SHISA9: variants seen among roughly 807,000 people sequenced by gnomAD.
SHISA9 encodes shisa family member 9, also known as protein shisa-9.
In SHISA9, 13 loss-of-function variants were observed where a neutral mutation model predicts 38.0. The ratio of observed to expected loss-of-function variants is 0.34; its 90% CI spans 0.22 to 0.54. The LOEUF is 0.54. SHISA9 is among the 20% of genes least tolerant of loss of function. The probability of loss-of-function intolerance (pLI) is 0.91; values close to 1 mark genes in which losing one functional copy is unlikely to be tolerated. For synonymous variants in SHISA9, 275 were observed against 242.0 expected (o/e 1.14, Z -1.27); for missense variants, 538 against 575.8 (o/e 0.93, Z 0.67).
the SHISA9 span, among the ~76,000 whole-genome samples, chr16:13,553,890 C>T: frequency 6.6e-6 from 1 of 152,214 alleles, no homozygotes; most frequent in Admixed American, 6.5e-5. Flanking sequence ...ACATCAGAAT[C>T]CAAACCAGAT....
intron 2 of SHISA9, among the ~76,000 whole-genome samples, chr16:12,993,265 G>C (rs1286738800): frequency 6.6e-6 from 1 of 152,132 alleles, no homozygotes. Flanking sequence ...GTAAAGAACA[G>C]GGCCATGACA....
At chr16:13,107,105 T>G (rs1470582983) in intron 2 of SHISA9, among the ~76,000 whole-genome samples, 2 of 151,634 alleles carry the variant, frequency 1.3e-5, no homozygotes, top group Non-Finnish European at 2.9e-5. Context: ...ATTCCCCGAG[T>G]GAGGGAATGA....
intron 2 of SHISA9, among the ~76,000 whole-genome samples, chr16:12,972,005 T>G (rs1291861378): frequency 6.6e-6 from 1 of 151,462 alleles, no homozygotes; most frequent in Non-Finnish European, 1.5e-5. Flanking sequence ...GATATGGTTA[T>G]AAGTAAATTA....
chr16:13,480,557 C>G, the SHISA9 span, among the ~76,000 whole-genome samples: 2 of 152,174 alleles, frequency 1.3e-5, no homozygotes, highest in African/African-American at 4.8e-5. Flanking sequence ...ACCCCACTTC[C>G]ATTTTTCCTC....
intron 2 of SHISA9, among the ~76,000 whole-genome samples, chr16:13,072,117 A>C (rs1304261490): frequency 6.6e-6 from 1 of 152,212 alleles, no homozygotes; most frequent in Non-Finnish European, 1.5e-5. Flanking sequence ...GGAAGGCTTC[A>C]GTGCCCATCA....
chr16:13,160,719 C>T (rs910254307), intron 2 of SHISA9, among the ~76,000 whole-genome samples: 1 of 152,194 alleles, frequency 6.6e-6, no homozygotes, highest in African/African-American at 2.4e-5. Flanking sequence ...TTTAAAGGCA[C>T]AGCCCTCTGG....
chr16:13,225,258 A>C (rs1440032799), intron 4 of SHISA9, among the ~76,000 whole-genome samples: 1 of 152,148 alleles, frequency 6.6e-6, no homozygotes, highest in Non-Finnish European at 1.5e-5. Context: ...CTTCAGATGG[A>C]GCATGGCCCG....
At chr16:13,126,152 GC>G (rs2050254489) in intron 2 of SHISA9, among the ~76,000 whole-genome samples, 5 of 152,296 alleles carry the variant, frequency 3.3e-5, no homozygotes, top group Admixed American at 1.3e-4. Flanking sequence ...AGATTCGGCA[GC>G]CCCATGTGCA....
the SHISA9 span, among the ~76,000 whole-genome samples, chr16:13,395,244 T>A: frequency 5.3e-5 from 8 of 152,168 alleles, no homozygotes; most frequent in African/African-American, 1.9e-4. Flanking sequence ...TTGCCACATG[T>A]CATGGAAACA....
chr16:13,509,468 A>C, the SHISA9 span, among the ~76,000 whole-genome samples: 2 of 152,014 alleles, frequency 1.3e-5, no homozygotes, highest in Admixed American at 1.3e-4. Flanking sequence ...AATGGTGCTG[A>C]TAACAGTGCC....
intron 1 of SHISA9, chr16:12,908,356 C>G: frequency 6.9e-7 from 1 of 1,455,352 alleles, no homozygotes; most frequent in Non-Finnish European, 9.1e-7. Context: ...TATGTGACTA[C>G]GTTAAATACA....
intron 2 of SHISA9, among the ~76,000 whole-genome samples, chr16:13,150,291 A>G (rs1193772708): frequency 6.6e-6 from 1 of 151,706 alleles, no homozygotes; most frequent in Admixed American, 6.6e-5. Context: ...GCAAACATCT[A>G]CTCACCTTTC....
chr16:13,361,011 A>G, the SHISA9 span, among the ~76,000 whole-genome samples: 2 of 152,198 alleles, frequency 1.3e-5, no homozygotes, highest in Admixed American at 1.3e-4. Flanking sequence ...CAAATAAAAT[A>G]CCTGCACCAA....
intron 2 of SHISA9, among the ~76,000 whole-genome samples, chr16:12,939,997 A>G (rs1239942392): frequency 6.6e-6 from 1 of 152,204 alleles, no homozygotes; most frequent in Non-Finnish European, 1.5e-5. Context: ...CTTAAAAGTC[A>G]TTATTATCCA....
the SHISA9 span, among the ~76,000 whole-genome samples, chr16:13,325,920 G>A: frequency 6.7e-6 from 1 of 148,758 alleles, no homozygotes; most frequent in Non-Finnish European, 1.5e-5. Flanking sequence ...GTATAGGGGA[G>A]GGAGAGCATT....
intron 2 of SHISA9, among the ~76,000 whole-genome samples, chr16:13,004,483 G>C (rs1274657849): frequency 6.6e-6 from 1 of 152,220 alleles, no homozygotes; most frequent in Non-Finnish European, 1.5e-5. Flanking sequence ...GAAGCCATTG[G>C]AAGGCTTTAA....
chr16:13,419,637 G>A, the SHISA9 span, among the ~76,000 whole-genome samples: 28 of 152,268 alleles, frequency 1.8e-4, no homozygotes, highest in Non-Finnish European at 2.5e-4. Context: ...GTTTACTTAC[G>A]TCTCTTCCTG....
chr16:13,146,547 T>C (rs962412758), intron 2 of SHISA9, among the ~76,000 whole-genome samples: 1 of 152,196 alleles, frequency 6.6e-6, no homozygotes, highest in Non-Finnish European at 1.5e-5. Context: ...CTTTTTGTTA[T>C]TTGAAAATGT....
At chr16:13,208,626 G>T (rs908364226) in intron 3 of SHISA9, among the ~76,000 whole-genome samples, 5 of 151,932 alleles carry the variant, frequency 3.3e-5, no homozygotes, top group African/African-American at 1.2e-4. Flanking sequence ...GTTCCCAAGG[G>T]TTTCACTGCC....
Sources: allele counts gnomAD v4.1 joint callset (sites outside exome capture counted in the v4.1 genomes callset), GRCh38; gene constraint gnomAD v4.1.1; transcripts MANE v1.5; gene names NCBI Gene and HGNC (gene_info 2026-07-23, HGNC 2026-07-21).